The following PKHD1L1 variants were observed in gnomAD, a reference collection of about 807,000 sequenced individuals.
PKHD1L1 encodes the protein fibrocystin-L.
Under a neutral mutation model 462.9 loss-of-function variants are expected in PKHD1L1, and 434 were observed. The ratio of observed to expected loss-of-function variants is 0.94; its 90% CI spans 0.87 to 1.02. The LOEUF is 1.02. Among genes scored for constraint, PKHD1L1 ranks in the 50% least tolerant of loss-of-function variants. The probability of loss-of-function intolerance (pLI) is 0.00; values close to 1 mark genes in which losing one functional copy is unlikely to be tolerated. For synonymous variants in PKHD1L1, 1,781 were observed against 1,750.0 expected (o/e 1.02, Z -0.44); for missense variants, 5,202 against 5,096.1 (o/e 1.02, Z -0.63).
At position 109,461,924 on chromosome 8, in the gene PKHD1L1, A is replaced by C. The variant is rs1817158365; in HGVS notation, c.7383+16A>C. ...ATATGTAGAGGTGAGAGGCATTATT[A>C]CTAAATCACAGTGGTTTGCTCAAGG... is the stretch of plus-strand genomic sequence containing the variant. On this transcript the variant is annotated intron_variant, in intron 48 of 77. Coordinates refer to ENST00000378402, the MANE Select transcript of PKHD1L1 (RefSeq NM_177531.6). 7 of 1,586,376 alleles carry C rather than the reference A, an allele frequency of 4.4e-6. No individual in the cohort carries two copies. The highest frequency in any genetic ancestry group is 5.1e-6 in the Non-Finnish European group (6 of 1,165,204).
chr8:109,509,606 A>C (rs1219699249), intron 70 of PKHD1L1, among the ~76,000 whole-genome samples: 2 of 151,282 alleles, frequency 1.3e-5, no homozygotes, highest in Non-Finnish European at 2.9e-5. Flanking sequence ...AAATCACTGA[A>C]GTTTCCTTTT....
intron 50 of PKHD1L1, among the ~76,000 whole-genome samples, chr8:109,471,584 C>T (rs1300814372): frequency 1.3e-5 from 2 of 152,080 alleles, no homozygotes; most frequent in Non-Finnish European, 2.9e-5. Flanking sequence ...AAAATGAATG[C>T]CGAATTTGGT....
intron 55 of PKHD1L1, 41 bp downstream of exon 55, chr8:109,480,180 A>G: frequency 6.7e-7 from 1 of 1,494,514 alleles, no homozygotes; most frequent in Non-Finnish European, 8.9e-7. Flanking sequence ...TTATTAATCT[A>G]ATTCTAAAAT....
Position 109,384,128 on chromosome 8 carries a change from G to T in PKHD1L1, c.475+1G>T. On this transcript the variant is annotated splice_donor_variant, in intron 5 of 77. Coordinates refer to ENST00000378402, the MANE Select transcript of PKHD1L1 (RefSeq NM_177531.6). LOFTEE classifies it high-confidence loss of function. ...ATCACACCTTTATCTGGAACTCCAG[G>T]TCTGTTATATGACATCTGAAATAAC... 1.9e-6 allele frequency: 3 copies of T among 1,605,218 alleles called. No homozygotes were observed. In the Middle Eastern group the frequency reaches 5.0e-4, roughly 266 times the overall value.
rs1289422445 is a variant in PKHD1L1 at position 109,535,264 on chromosome 8, G to A, written c.*5174G>A. Among the ~76,000 whole-genome samples the A allele has an allele frequency of 1.3e-5, 2 of 152,012 alleles. No individual in the cohort carries two copies. The highest frequency in any genetic ancestry group is 2.9e-5 in the Non-Finnish European group (2 of 67,992). On this transcript the variant is annotated 3_prime_UTR_variant, in exon 78 of 78. Transcript: ENST00000378402. ...GACTGTGCCTGGCTACATGGCAATA[G>A]TATTTTCCTTTGGTTTTTCATTACA... is the stretch of plus-strand genomic sequence containing the variant.
chr8:109,488,173 C>G (rs73704038), intron 59 of PKHD1L1, among the ~76,000 whole-genome samples: 2,251 of 151,908 alleles, frequency 0.015, 28 homozygotes, highest in Middle Eastern at 0.051. Context: ...ATATAGGAAA[C>G]ACAGGAAAAA....
At position 109,438,961 on chromosome 8, in the gene PKHD1L1, G is replaced by A. The variant is rs1055892657; in HGVS notation, c.3825G>A (p.Val1275=). 1 of 1,613,504 alleles carries A rather than the reference G, an allele frequency of 6.2e-7. No homozygotes were observed. The highest frequency in any genetic ancestry group is 1.1e-5 in the South Asian group (1 of 91,058). The part of the protein sequence containing the change: ...FGNELTQNMA[V]YVGGKTCQIL... ...ATGAACTCACACAAAACATGGCGGTGTATGTTGGAGGAAAAACCTGCCAGA... is the reference window on the plus strand; with the variant it reads ...ATGAACTCACACAAAACATGGCGGTATATGTTGGAGGAAAAACCTGCCAGA... Residue 1275 remains valine, a synonymous_variant, in exon 32 of 78, where the codon GTG becomes GTA. Transcript: ENST00000378402.
chr8:109,423,550 T>C, intron 23 of PKHD1L1, among the ~76,000 whole-genome samples: 1 of 152,180 alleles, frequency 6.6e-6, no homozygotes, highest in East Asian at 1.9e-4. Context: ...TAACATTGAG[T>C]AGAGTGATTC....
intron 7 of PKHD1L1, 127 bp downstream of exon 7, chr8:109,388,677 C>A (rs1003405988): frequency 7.3e-6 from 5 of 683,276 alleles, no homozygotes; most frequent in South Asian, 4.3e-5. Flanking sequence ...TTATAATATT[C>A]CACATAGCGC....
At chr8:109,427,291 GA>G (rs1031350232) in intron 25 of PKHD1L1, 135 bp downstream of exon 25, 1 of 695,328 alleles carries the variant, frequency 1.4e-6, no homozygotes, top group Non-Finnish European at 2.4e-6. Flanking sequence ...TCTTTAAAAG[GA>G]AGTTAAGGAG....
At chr8:109,470,975 G>A (rs1817685808) in intron 50 of PKHD1L1, 9 of 1,610,502 alleles carry the variant, frequency 5.6e-6, no homozygotes, top group South Asian at 4.4e-5. Flanking sequence ...CAAGCAGCTC[G>A]AGTCCATAGG....
intron 46 of PKHD1L1, 25 bp downstream of exon 46, chr8:109,456,416 A>G: frequency 6.4e-7 from 1 of 1,567,616 alleles, no homozygotes; most frequent in Admixed American, 1.9e-5. Flanking sequence ...GGGCTTAATG[A>G]TGTGTATTTA....
rs755941986 is a variant in PKHD1L1 at position 109,454,848 on chromosome 8, G to T, written c.6870G>T (p.Leu2290=). The T allele has an allele frequency of 6.2e-7, 1 of 1,613,138 alleles. No individual in the cohort carries two copies. The highest frequency in any genetic ancestry group is 1.3e-5 in the African/African-American group (1 of 74,886). ...CTGTGCGGGAGGGAATCCTGGATCTGCACGGTACTGTGGCCAAGTGGCTAA... is the reference window on the plus strand; with the variant it reads ...CTGTGCGGGAGGGAATCCTGGATCTTCACGGTACTGTGGCCAAGTGGCTAA... ...TLAVREGILD[L]HGVPVPVTWT... The change falls in exon 45 of 78, where the codon CTG becomes CTT. Residue 2290 remains leucine (L), a synonymous_variant. Transcript: ENST00000378402.
intron 50 of PKHD1L1, chr8:109,470,219 C>T: frequency 8.7e-7 from 1 of 1,146,308 alleles, no homozygotes; most frequent in Admixed American, 1.9e-5. Flanking sequence ...AGTTACTCTA[C>T]TGAGCCTTGT....
intron 52 of PKHD1L1, 112 bp downstream of exon 52, chr8:109,476,779 A>G: frequency 2.2e-6 from 2 of 923,612 alleles, no homozygotes; most frequent in Non-Finnish European, 3.1e-6. Context: ...ACAGGATCCA[A>G]TAAATGTTTG....
chr8:109,383,214 A>G (rs1812243451), intron 4 of PKHD1L1, among the ~76,000 whole-genome samples: 1 of 99,530 alleles, frequency 1.0e-5, no homozygotes, highest in South Asian at 2.7e-4. Flanking sequence ...ATTATATAAT[A>G]TAATTATATA....
At chr8:109,499,443 G>A (rs1035655224) in intron 67 of PKHD1L1, 5 of 152,176 alleles carry the variant, frequency 3.3e-5, no homozygotes, top group African/African-American at 1.2e-4. Flanking sequence ...CCAGAAATGT[G>A]AAACAAATTA....
intron 68 of PKHD1L1, among the ~76,000 whole-genome samples, chr8:109,505,493 A>G (rs1819643055): frequency 6.6e-6 from 1 of 152,208 alleles, no homozygotes; most frequent in African/African-American, 2.4e-5. Flanking sequence ...TATTAGAAGT[A>G]CAGACCAGAA....
intron 57 of PKHD1L1, among the ~76,000 whole-genome samples, chr8:109,484,671 T>TAATAAGTGATAGATA (rs1179157363): frequency 6.6e-6 from 1 of 151,896 alleles, no homozygotes; most frequent in African/African-American, 2.4e-5. Flanking sequence ...TAGTTAATTG[T>TAATAAGTGATAGATA]ACTAAACAAA....
Sources: gnomAD v4.1 joint callset for allele counts (sites outside exome capture counted in the v4.1 genomes callset) on GRCh38, gnomAD v4.1.1 for gene constraint, MANE v1.5 for transcripts, NCBI Gene and HGNC (gene_info 2026-07-23, HGNC 2026-07-21) for gene names.